The following COG5 variants were observed in gnomAD, a reference collection of about 807,000 sequenced individuals.
The protein encoded by COG5 is component of oligomeric golgi complex 5, also known as conserved oligomeric Golgi complex subunit 5.
In COG5, 86 loss-of-function variants were observed where a neutral mutation model predicts 110.4. The observed-to-expected ratio is 0.78, with a 90% CI of 0.65 to 0.93. The LOEUF (loss-of-function observed/expected upper bound fraction) is 0.93. Among genes scored for constraint, COG5 ranks in the 40% least tolerant of loss-of-function variants. The probability of loss-of-function intolerance (pLI) is 0.00; values close to 1 mark genes in which losing one functional copy is unlikely to be tolerated. For missense variants in COG5, 1,077 were observed against 987.0 expected (o/e 1.09, Z -1.22); for synonymous variants, 360 against 334.6 (o/e 1.08, Z -0.83).
At chr7:107,360,954 G>A (rs758710953) in intron 10 of COG5, among the ~76,000 whole-genome samples, 8 of 152,190 alleles carry the variant, frequency 5.3e-5, no homozygotes, top group Admixed American at 1.3e-4. Context: ...TCTGGCTGGC[G>A]AAGTGACACC....
intron 6 of COG5, among the ~76,000 whole-genome samples, chr7:107,435,962 TA>T (rs1259904248): frequency 5.4e-4 from 82 of 152,228 alleles, no homozygotes; most frequent in Non-Finnish European, 1.0e-4. Context: ...TATTCTGCCA[TA>T]AAAAAGAATG....
chr7:107,260,941 GTT>G (rs1182363145), intron 14 of COG5, among the ~76,000 whole-genome samples: 10 of 150,514 alleles, frequency 6.6e-5, no homozygotes, highest in Admixed American at 2.0e-4. Context: ...TCTTGTCATA[GTT>G]TTTTTGTTTG....
At chr7:107,320,903 T>C (rs900685039) in intron 11 of COG5, among the ~76,000 whole-genome samples, 7 of 152,140 alleles carry the variant, frequency 4.6e-5, no homozygotes, top group Non-Finnish European at 1.0e-4. Context: ...TCCTTCCCAG[T>C]AAACTGAGTC....
At chr7:107,360,980 C>T (rs369816987) in intron 10 of COG5, among the ~76,000 whole-genome samples, 47 of 152,298 alleles carry the variant, frequency 3.1e-4, no homozygotes, top group African/African-American at 1.0e-3. Flanking sequence ...GATCCTGTGA[C>T]GCTGGGTCCT....
chr7:107,472,493 C>A (rs887225966), intron 6 of COG5: 12 of 151,924 alleles, frequency 7.9e-5, no homozygotes, highest in African/African-American at 2.9e-4. Context: ...TCTTAATCAT[C>A]ATTTAACTTG....
rs1809552241 is a variant in COG5 at position 107,324,164 on chromosome 7, C to G, written c.1108+276G>C. ...ACACTCTACGTAGGAAAAATTCAGA[C>G]AGAGTTCTTCTGATGTCTGAATAAT... On this transcript the variant is annotated intron_variant, in intron 11 of 21. Coordinates refer to ENST00000297135, the MANE Select transcript of COG5 (RefSeq NM_006348.5). 3.3e-5 allele frequency among the ~76,000 whole-genome samples: 5 copies of G among 152,204 alleles called. No individual in the cohort carries two copies. In the South Asian group the frequency reaches 1.0e-3, roughly 32 times the overall value.
chr7:107,311,300 T>C (rs527815949), intron 11 of COG5, among the ~76,000 whole-genome samples: 56 of 151,784 alleles, frequency 3.7e-4, no homozygotes, highest in South Asian at 1.2e-3. Flanking sequence ...GCTGATTTGA[T>C]AGATGAGAAA....
rs997389918 is a variant in COG5, at chr7:107,240,683, A to G, written c.1854-3996T>C. 2.0e-5 allele frequency among the ~76,000 whole-genome samples: 3 copies of G among 152,224 alleles called. No homozygotes were observed. The South Asian group carries it at 6.2e-4, about 32-fold the overall frequency. On this transcript the variant is annotated intron_variant, in intron 17 of 21. Transcript: ENST00000297135. Reference sequence around the variant, plus strand: ...TATCCCTGGGGGCTGGCCCTAAAATAAAGGCAATTTCTGCTTCTTGACTAA... The same window carrying G: ...TATCCCTGGGGGCTGGCCCTAAAATGAAGGCAATTTCTGCTTCTTGACTAA...
chr7:107,465,816 G>C (rs1368374502), intron 6 of COG5, among the ~76,000 whole-genome samples: 1 of 152,086 alleles, frequency 6.6e-6, no homozygotes, highest in Non-Finnish European at 1.5e-5. Flanking sequence ...TTTATATAAA[G>C]AATGGCAGCC....
intron 12 of COG5, among the ~76,000 whole-genome samples, chr7:107,293,751 C>T (rs1301768877): frequency 6.6e-6 from 1 of 152,112 alleles, no homozygotes; most frequent in Non-Finnish European, 1.5e-5. Context: ...CCTATGTAAT[C>T]TCTTCCAATT....
intron 10 of COG5, among the ~76,000 whole-genome samples, chr7:107,325,363 T>G (rs1809673670): frequency 6.6e-6 from 1 of 152,164 alleles, no homozygotes; most frequent in South Asian, 2.1e-4. Flanking sequence ...CAAAGTAATA[T>G]TTTAAGACTG....
intron 6 of COG5, among the ~76,000 whole-genome samples, chr7:107,473,407 G>C (rs17481621): frequency 0.13 from 19,055 of 151,856 alleles, 1,502 homozygotes; most frequent in Non-Finnish European, 0.17. Context: ...AGTGAGCATT[G>C]TAACTGTGAT....
At chr7:107,458,601 T>C (rs1442728351) in intron 6 of COG5, among the ~76,000 whole-genome samples, 1 of 152,132 alleles carries the variant, frequency 6.6e-6, no homozygotes, top group Non-Finnish European at 1.5e-5. Context: ...ACATGTGTAA[T>C]CCCAACACAT....
intron 11 of COG5, among the ~76,000 whole-genome samples, chr7:107,316,657 CAAAAAAAAAA>C (rs760555445): frequency 1.6e-4 from 12 of 75,918 alleles, no homozygotes; most frequent in African/African-American, 5.5e-4. Flanking sequence ...ACTAAAAATA[CAAAAAAAAAA>C]AAAAAAAAAA....
intron 6 of COG5, among the ~76,000 whole-genome samples, chr7:107,452,425 TA>T (rs1795395326): frequency 6.6e-6 from 1 of 152,158 alleles, no homozygotes; most frequent in Non-Finnish European, 1.5e-5. Flanking sequence ...CCTTGAATTG[TA>T]ACTCCCACAG....
At chr7:107,490,569 A>C (rs74911672) in intron 6 of COG5, among the ~76,000 whole-genome samples, 2,747 of 152,236 alleles carry the variant, frequency 0.018, 81 homozygotes, top group African/African-American at 0.061. Flanking sequence ...TATCACACAA[A>C]TTTGTTGTTT....
chr7:107,428,237 T>C (rs1793781984), intron 6 of COG5, among the ~76,000 whole-genome samples: 2 of 152,102 alleles, frequency 1.3e-5, no homozygotes, highest in African/African-American at 4.8e-5. Flanking sequence ...TGGGGTTTCA[T>C]CAGGGACCTG....
chr7:107,434,665 T>C (rs1794241196), intron 6 of COG5, among the ~76,000 whole-genome samples: 1 of 151,992 alleles, frequency 6.6e-6, no homozygotes, highest in African/African-American at 2.4e-5. Context: ...CAATAGGATA[T>C]TAGCCTTAAA....
intron 17 of COG5, among the ~76,000 whole-genome samples, chr7:107,241,379 A>G (rs976799931): frequency 1.1e-4 from 16 of 148,010 alleles, no homozygotes; most frequent in Admixed American, 8.1e-4. Flanking sequence ...AATTCACTTT[A>G]CCCTTCTGTG....
Sources: gnomAD v4.1 joint callset for allele counts (sites outside exome capture counted in the v4.1 genomes callset) on GRCh38, gnomAD v4.1.1 for gene constraint, MANE v1.5 for transcripts, NCBI Gene and HGNC (gene_info 2026-07-23, HGNC 2026-07-21) for gene names.